Variants in PCLO observed in about 807,000 individuals in gnomAD.
PCLO encodes protein piccolo.
Under a neutral mutation model 427.5 loss-of-function variants are expected in PCLO, and 82 were observed. The observed-to-expected ratio is 0.19, with a 90% CI of 0.16 to 0.23. The LOEUF is 0.23. Among genes scored for constraint, PCLO ranks in the 10% least tolerant of loss-of-function variants. PCLO has a pLI of 1.00. For missense variants in PCLO, 6,239 were observed against 6,115.9 expected (o/e 1.02, Z -0.67); for synonymous variants, 2,357 against 2,155.4 (o/e 1.09, Z -2.59).
At chr7:83,071,003 C>A (rs1330639371) in intron 3 of PCLO, among the ~76,000 whole-genome samples, 1 of 148,210 alleles carries the variant, frequency 6.7e-6, no homozygotes, top group Admixed American at 6.7e-5. Flanking sequence ...ATTTAATTTT[C>A]TTTTTCTATT....
At chr7:82,868,280 T>C (rs1793145730) in intron 10 of PCLO, 1 of 453,296 alleles carries the variant, frequency 2.2e-6, no homozygotes, top group African/African-American at 2.0e-5. Flanking sequence ...CTGGAGTGCG[T>C]CCTCTGTCCT....
intron 9 of PCLO, among the ~76,000 whole-genome samples, chr7:82,891,655 T>A (rs959003930): frequency 1.2e-4 from 18 of 152,252 alleles, no homozygotes; most frequent in Non-Finnish European, 2.4e-4. Flanking sequence ...CCATTCAGTA[T>A]GATATTGGCT....
intron 6 of PCLO, among the ~76,000 whole-genome samples, chr7:82,949,122 G>A (rs963758902): frequency 6.6e-6 from 1 of 152,104 alleles, no homozygotes; most frequent in Non-Finnish European, 1.5e-5. Flanking sequence ...TGAAATCACA[G>A]CTACAGTTGA....
At chr7:83,126,069 CACTT>C (rs1280811151) in intron 3 of PCLO, among the ~76,000 whole-genome samples, 1 of 152,092 alleles carries the variant, frequency 6.6e-6, no homozygotes, top group African/African-American at 2.4e-5. Context: ...GAAATTCTGT[CACTT>C]ACAACAACAT....
intron 6 of PCLO, among the ~76,000 whole-genome samples, 182 bp downstream of exon 6, chr7:82,949,278 CGCACACACACACGTGT>C (rs909804794): frequency 2.0e-5 from 3 of 151,030 alleles, no homozygotes; most frequent in Non-Finnish European, 2.9e-5. Context: ...CACACACAAG[CGCACACACACACGTGT>C]GCACACACAC....
chr7:82,980,383 G>T (rs994184506), intron 3 of PCLO, among the ~76,000 whole-genome samples: 2 of 152,134 alleles, frequency 1.3e-5, no homozygotes, highest in Non-Finnish European at 1.5e-5. Flanking sequence ...AGATAAAATT[G>T]CTCCATGGGG....
intron 20 of PCLO, among the ~76,000 whole-genome samples, chr7:82,810,445 G>C (rs1023873537): frequency 8.1e-6 from 1 of 123,886 alleles, no homozygotes; most frequent in African/African-American, 2.5e-5. Context: ...GAAATCTTAA[G>C]TGTATTACTA....
intron 22 of PCLO, among the ~76,000 whole-genome samples, chr7:82,786,150 G>T (rs1300301732): frequency 6.6e-6 from 1 of 152,170 alleles, no homozygotes; most frequent in African/African-American, 2.4e-5. Flanking sequence ...ATGAAAAAAA[G>T]GAAAGAGATT....
At chr7:83,109,572 T>C (rs976645655) in intron 3 of PCLO, among the ~76,000 whole-genome samples, 1 of 152,190 alleles carries the variant, frequency 6.6e-6, no homozygotes, top group Non-Finnish European at 1.5e-5. Flanking sequence ...TTCTGAATTA[T>C]GTTTTAGCTA....
At chr7:82,844,979 TC>T (rs1373756066) in intron 13 of PCLO, among the ~76,000 whole-genome samples, 1 of 152,114 alleles carries the variant, frequency 6.6e-6, no homozygotes, top group Non-Finnish European at 1.5e-5. Context: ...TATACGTATC[TC>T]AGATTCATGC....
rs917869591 is a variant in PCLO at position 82,755,714 on chromosome 7, G to C, written c.*2861C>G. 2.0e-5 allele frequency: 3 copies of C among 152,232 alleles called. No homozygotes were observed. The highest frequency in any genetic ancestry group is 6.5e-5 in the Admixed American group (1 of 15,270). The allele number at this position is 152,232 out of a possible 1,614,324, so 9.4% of individuals were successfully genotyped here. On this transcript the variant is annotated 3_prime_UTR_variant, in exon 25 of 25. Transcript: ENST00000333891. Reference sequence around the variant, plus strand: ...ACTAAAGAGTGAAAAACCATGTACTGTGATATGTACAAAAAAGTAAAAAAC... The same window carrying C: ...ACTAAAGAGTGAAAAACCATGTACTCTGATATGTACAAAAAAGTAAAAAAC...
intron 2 of PCLO, among the ~76,000 whole-genome samples, chr7:83,141,582 CT>C (rs1468035124): frequency 3.3e-5 from 5 of 152,174 alleles, no homozygotes; most frequent in African/African-American, 1.2e-4. Flanking sequence ...TCTGAGGCCA[CT>C]GTGTATTCTA....
chr7:82,957,134 T>C (rs1302365032), intron 4 of PCLO, among the ~76,000 whole-genome samples, 199 bp from the exon 5 acceptor site: 1 of 152,210 alleles, frequency 6.6e-6, no homozygotes, highest in African/African-American at 2.4e-5. Context: ...TTAAACTAAA[T>C]TTAATTAAAT....
At position 82,915,610 on chromosome 7, in the gene PCLO, G is replaced by A; in HGVS notation, c.12376C>T (p.His4126Tyr). Reference protein sequence around the residue: ...EDPYELKLLKHQIKQEFRRGT... With the variant: ...EDPYELKLLKYQIKQEFRRGT... Reference sequence around the variant, plus strand: ...CTACGAAATTCCTGTTTAATCTGATGTTTCAGAAGCTTTAACTCGTAAGGA... The same window carrying A: ...CTACGAAATTCCTGTTTAATCTGATATTTCAGAAGCTTTAACTCGTAAGGA... Residue 4126 changes from histidine (H) to tyrosine (Y), a missense_variant, in exon 7 of 25, where the codon CAT (histidine) becomes TAT (tyrosine). Around this residue, in one of 5 missense-constraint regions of PCLO, gnomAD observed 680 missense variants for 677.3 expected, o/e 1.00. Transcript: ENST00000333891. 2 of 1,613,432 alleles carry A rather than the reference G, an allele frequency of 1.2e-6. No individual in the cohort carries two copies. Among genetic ancestry groups the A allele is most frequent in the Non-Finnish European group, 1.7e-6 (2 of 1,179,620 alleles).
rs1795453561 is a variant in PCLO, at chr7:82,954,427, C to T, written c.6526G>A (p.Val2176Ile). 3.1e-6 allele frequency: 5 copies of T among 1,613,886 alleles called. No individual in the cohort carries two copies. Among genetic ancestry groups the T allele is most frequent in the Non-Finnish European group, 4.2e-6 (5 of 1,179,836 alleles). The change falls in exon 5 of 25, where the codon GTC becomes ATC. Residue 2176 changes from valine (V) to isoleucine (I), a missense_variant. Transcript: ENST00000333891. ...AGAGAAGGTGTGTCAGAGGGTGGGA[C>T]AGATGTAGCACTTTCTGAAGGCTCC... ...YSEPSESATSVPPSDTPSLTS... is the reference protein window; with the variant it reads ...YSEPSESATSIPPSDTPSLTS...
chr7:82,852,199 T>C (rs1383406137), intron 10 of PCLO, among the ~76,000 whole-genome samples: 1 of 152,196 alleles, frequency 6.6e-6, no homozygotes, highest in East Asian at 1.9e-4. Flanking sequence ...TTCCTGAGTA[T>C]ATTTATTTTG....
chr7:82,983,632 T>C (rs1299815003), intron 3 of PCLO, among the ~76,000 whole-genome samples: 1 of 149,348 alleles, frequency 6.7e-6, no homozygotes, highest in Non-Finnish European at 1.5e-5. Flanking sequence ...TTTATATATG[T>C]ATATATTATA....
At chr7:83,019,545 G>A (rs920808460) in intron 3 of PCLO, among the ~76,000 whole-genome samples, 5 of 151,750 alleles carry the variant, frequency 3.3e-5, no homozygotes, top group Admixed American at 6.6e-5. Context: ...CCCTAGAAAT[G>A]TTCATATGAT....
intron 6 of PCLO, among the ~76,000 whole-genome samples, chr7:82,937,263 A>C (rs2116364882): frequency 6.6e-6 from 1 of 151,562 alleles, no homozygotes; most frequent in African/African-American, 2.4e-5. Flanking sequence ...TACTTTTGAA[A>C]CCTACATGTT....
Sources: gnomAD v4.1 joint callset for allele counts (sites outside exome capture counted in the v4.1 genomes callset) on GRCh38, gnomAD v4.1.1 for gene constraint, gnomAD v4.1.1 regional missense constraint, MANE v1.5 for transcripts, NCBI Gene and HGNC (gene_info 2026-07-23, HGNC 2026-07-21) for gene names.